Variants in PURG observed in about 807,000 individuals in gnomAD.
PURG encodes purine rich element binding protein G.
A neutral mutation model predicts 24.3 loss-of-function variants in PURG; 3 were observed. The observed-to-expected ratio is 0.12, with a 90% CI of 0.06 to 0.32. The LOEUF (loss-of-function observed/expected upper bound fraction) is 0.32, where lower values mean the gene tolerates loss of function less well. Among genes scored for constraint, PURG ranks in the 10% least tolerant of loss-of-function variants. The pLI is 1.00. For synonymous variants in PURG, 180 were observed against 173.1 expected (o/e 1.04, Z -0.31); for missense variants, 371 against 439.1 (o/e 0.84, Z 1.39).
intron 1 of PURG, among the ~76,000 whole-genome samples, chr8:31,008,684 T>A (rs1326145912): frequency 6.6e-6 from 1 of 152,202 alleles, no homozygotes; most frequent in African/African-American, 2.4e-5. Flanking sequence ...TCAATATAAT[T>A]CCCTGAACTT....
intron 1 of PURG, among the ~76,000 whole-genome samples, chr8:31,009,657 T>C (rs1412855971): frequency 2.6e-5 from 4 of 152,228 alleles, no homozygotes; most frequent in Non-Finnish European, 5.9e-5. Flanking sequence ...TTTTCTGCTT[T>C]AATAAATACA....
intron 1 of PURG, among the ~76,000 whole-genome samples, chr8:31,003,480 G>A (rs986866098): frequency 6.6e-6 from 1 of 151,624 alleles, no homozygotes; most frequent in African/African-American, 2.4e-5. Context: ...ACAGAAAACT[G>A]GCTGGGCACA....
intron 1 of PURG, among the ~76,000 whole-genome samples, chr8:30,997,960 T>C (rs1163495821): frequency 6.6e-6 from 1 of 151,710 alleles, no homozygotes; most frequent in Non-Finnish European, 1.5e-5. Context: ...CAAACAGATG[T>C]TTTAATGTTT....
chr8:31,030,661 C>G (rs1811176553), downstream of PURG, among the ~76,000 whole-genome samples: 1 of 151,390 alleles, frequency 6.6e-6, no homozygotes, highest in African/African-American at 2.4e-5. Flanking sequence ...AAAAAAAAAT[C>G]CCCACCCCCT....
intron 1 of PURG, among the ~76,000 whole-genome samples, chr8:31,007,526 C>T (rs1810677547): frequency 6.6e-6 from 1 of 152,146 alleles, no homozygotes; most frequent in African/African-American, 2.4e-5. Context: ...TATATAATCT[C>T]ACTGATTCTG....
At position 31,031,941 on chromosome 8, in the gene PURG, T is replaced by C. The variant is rs1176786182; in HGVS notation, c.842A>G (p.Asn281Ser). Residue 281 changes from asparagine (N) to serine (S), a missense_variant, in exon 2 of 2, where the codon AAT (asparagine) becomes AGT (serine). Coordinates refer to ENST00000523392, the MANE Select transcript of PURG (RefSeq NM_001323311.2). Reference sequence around the variant, plus strand: ...TACCTTCAGGAAAATTCCATATTTATTAGAGCCCACATCAAAGTAGAACCT... The same window carrying C: ...TACCTTCAGGAAAATTCCATATTTACTAGAGCCCACATCAAAGTAGAACCT... Reference protein sequence around the residue: ...NKRFYFDVGSNKYGIFLKVSE... With the variant: ...NKRFYFDVGSSKYGIFLKVSE... The C allele has an allele frequency of 6.2e-7, 1 of 1,614,092 alleles. No homozygotes were observed. Among genetic ancestry groups the C allele is most frequent in the African/African-American group, 1.3e-5 (1 of 74,940 alleles).
intron 1 of PURG, among the ~76,000 whole-genome samples, chr8:31,015,719 T>TA (rs1440701028): frequency 6.6e-6 from 1 of 152,164 alleles, no homozygotes; most frequent in African/African-American, 2.4e-5. Context: ...TACAAAATCT[T>TA]AAACACCTGG....
At chr8:30,996,489 G>A (rs1333581037) in exon 2 of PURG, 5 of 746,072 alleles carry the variant, frequency 6.7e-6, no homozygotes, top group African/African-American at 5.3e-5. Flanking sequence ...CTTCCCTTCC[G>A]TGGAGGAATG....
intron 1 of PURG, among the ~76,000 whole-genome samples, chr8:31,013,724 C>T (rs1017356225): frequency 6.6e-6 from 1 of 152,058 alleles, no homozygotes; most frequent in African/African-American, 2.4e-5. Flanking sequence ...GCAACAAGAG[C>T]GAAACTGTCT....
At chr8:31,025,996 A>G (rs1352958869), downstream of PURG, among the ~76,000 whole-genome samples, 2 of 151,824 alleles carry the variant, frequency 1.3e-5, no homozygotes, top group Admixed American at 6.6e-5. Flanking sequence ...GTCTAGAGTT[A>G]CCTATTTGCT....
chr8:31,025,867 T>C (rs1158830366), downstream of PURG, among the ~76,000 whole-genome samples: 1 of 151,982 alleles, frequency 6.6e-6, no homozygotes, highest in Non-Finnish European at 1.5e-5. Context: ...TAGCTGTACT[T>C]GTAACCTCAC....
intron 1 of PURG, among the ~76,000 whole-genome samples, chr8:31,023,195 T>C (rs1370145484): frequency 3.9e-5 from 6 of 152,252 alleles, no homozygotes; most frequent in African/African-American, 1.4e-4. Context: ...AGCCAATTCA[T>C]TCTATAGAAT....
At chr8:31,026,186 TTGAC>T (rs1192745563), downstream of PURG, among the ~76,000 whole-genome samples, 3 of 151,850 alleles carry the variant, frequency 2.0e-5, no homozygotes, top group Admixed American at 6.6e-5. Context: ...TTAGTAAAAA[TTGAC>T]TGAACGTGAT....
rs1359545926 is a variant in PURG at position 31,031,766 on chromosome 8, A to C, written c.1017T>G (p.Ser339Arg). Residue 339 changes from serine (S) to arginine (R), a missense_variant, in exon 2 of 2, where the codon AGT becomes AGG. Transcript: ENST00000523392. ...KEKRMDGRKA[S>R]GEEQECLD is the part of the protein sequence containing the mutation. The stretch of plus-strand genomic sequence containing the variant: ...AGTCGAGGCATTCTTGTTCTTCACC[A>C]CTGGCCTTTCTGCCATCCATTCTCT... 1 of 1,551,316 alleles carries C rather than the reference A, an allele frequency of 6.4e-7. No homozygotes were observed.
chr8:31,011,098 G>A (rs1810752032), intron 1 of PURG, among the ~76,000 whole-genome samples: 1 of 152,200 alleles, frequency 6.6e-6, no homozygotes, highest in Admixed American at 6.5e-5. Flanking sequence ...AACACTGATG[G>A]ATTTTTGTCA....
At chr8:30,998,860 C>CA (rs1453646404) in intron 1 of PURG, among the ~76,000 whole-genome samples, 1 of 151,632 alleles carries the variant, frequency 6.6e-6, no homozygotes, top group African/African-American at 2.4e-5. Context: ...CAGGCCTAAA[C>CA]AAAAAAGGCC....
intron 1 of PURG, among the ~76,000 whole-genome samples, chr8:31,019,327 ATTT>A (rs771463137): frequency 3.8e-5 from 3 of 78,928 alleles, no homozygotes; most frequent in Non-Finnish European, 4.8e-5. Flanking sequence ...AACACCTCTA[ATTT>A]TTTTTTTTTT....
chr8:31,002,675 T>C (rs1810561589), intron 1 of PURG, among the ~76,000 whole-genome samples: 1 of 151,964 alleles, frequency 6.6e-6, no homozygotes, highest in Non-Finnish European at 1.5e-5. Context: ...GTAGAGATGG[T>C]GTTTCACCAC....
At chr8:30,999,548 G>C (rs1810495487) in intron 1 of PURG, among the ~76,000 whole-genome samples, 1 of 151,894 alleles carries the variant, frequency 6.6e-6, no homozygotes, top group Non-Finnish European at 1.5e-5. Context: ...AATTGGGTTT[G>C]ATTTTGACTC....
Sources: gnomAD v4.1 joint callset for allele counts (sites outside exome capture counted in the v4.1 genomes callset) on GRCh38, gnomAD v4.1.1 for gene constraint, MANE v1.5 for transcripts, NCBI Gene and HGNC (gene_info 2026-07-23, HGNC 2026-07-21) for gene names.